MAGED1: variants seen among roughly 807,000 people sequenced by gnomAD.
MAGED1 encodes melanoma-associated antigen D1.
In MAGED1, 3 loss-of-function variants were observed where a neutral mutation model predicts 54.1. That is an observed-to-expected ratio of 0.06 (90% CI 0.03 to 0.14). The LOEUF is 0.14. Among genes scored for constraint, MAGED1 ranks in the 10% least tolerant of loss-of-function variants. MAGED1 has a pLI of 1.00. For synonymous variants in MAGED1, 217 were observed against 227.3 expected, an observed-to-expected ratio of 0.95 and a Z score of 0.41; for missense variants, 485 against 623.4, an observed-to-expected ratio of 0.78 and a Z score of 2.36.
upstream of MAGED1, chrX:51,893,495 C>T (rs1264454128): frequency 8.8e-6 from 1 of 113,914 alleles, no homozygotes; most frequent in African/African-American, 3.2e-5. Context: ...ACATGCGCAT[C>T]ATGGTCTCCA....
intron 3 of MAGED1, chrX:51,896,043 T>A (rs1285839894): frequency 5.2e-6 from 2 of 381,642 alleles, no homozygotes; most frequent in Non-Finnish European, 9.0e-6. Flanking sequence ...ACACAGGTTG[T>A]CTCATTAAAC....
chrX:51,824,928 A>G (rs186811449), intron 1 of MAGED1, among the ~76,000 whole-genome samples: 1 of 104,555 alleles, frequency 9.6e-6, no homozygotes, highest in East Asian at 3.0e-4. Context: ...AGACTGGATG[A>G]TCTGAATTGG....
chrX:51,812,891 A>G (rs191654716), intron 1 of MAGED1, among the ~76,000 whole-genome samples: 1 of 108,060 alleles, frequency 9.3e-6, no homozygotes, highest in South Asian at 4.0e-4. Flanking sequence ...TAAGGTTCCA[A>G]TTTCTCCACA....
At chrX:51,869,022 G>A (rs1927558156) in intron 1 of MAGED1, among the ~76,000 whole-genome samples, 1 of 111,901 alleles carries the variant, frequency 8.9e-6, no homozygotes, top group Non-Finnish European at 1.9e-5. Context: ...AGTGAGGAAT[G>A]GGGAATATAT....
chrX:51,894,226 G>A, intron 1 of MAGED1, 43 bp from the exon 2 acceptor site: 6 of 809,400 alleles, frequency 7.4e-6, no homozygotes, highest in South Asian at 2.2e-5. Flanking sequence ...TAGGTCCTTC[G>A]TATTTGCCCT....
chrX:51,805,335 CA>C (rs1204857514), intron 1 of MAGED1, among the ~76,000 whole-genome samples: 1 of 111,332 alleles, frequency 9.0e-6, no homozygotes, highest in African/African-American at 3.3e-5. Flanking sequence ...TCAGTATTAT[CA>C]TTGTCATTTT....
At chrX:51,897,756 G>A (rs782478406) in intron 6 of MAGED1, 39 bp from the exon 7 acceptor site, 7 of 1,115,155 alleles carry the variant, frequency 6.3e-6, no homozygotes, top group Admixed American at 2.2e-5. Context: ...GCTTATGCTA[G>A]ATGTTGTAAT....
At chrX:51,806,077 G>C (rs1216687606) in intron 1 of MAGED1, among the ~76,000 whole-genome samples, 2 of 95,547 alleles carry the variant, frequency 2.1e-5, no homozygotes, top group Non-Finnish European at 4.0e-5. Flanking sequence ...GGGTTCCAAC[G>C]ACTCTCCTGC....
intron 1 of MAGED1, among the ~76,000 whole-genome samples, chrX:51,884,130 G>A (rs1000574155): frequency 2.7e-5 from 3 of 110,948 alleles, no homozygotes; most frequent in Non-Finnish European, 5.7e-5. Context: ...CCAAATTTGG[G>A]GGTGGGGGAG....
intron 9 of MAGED1, 45 bp downstream of exon 9, chrX:51,898,372 T>G (rs782056812): frequency 3.4e-6 from 4 of 1,185,029 alleles, no homozygotes; most frequent in Non-Finnish European, 2.3e-6. Flanking sequence ...TGCCATCCTT[T>G]GGCAACAGTG....
intron 10 of MAGED1, chrX:51,899,278 G>A (rs1928900047): frequency 9.0e-6 from 1 of 110,774 alleles, no homozygotes; most frequent in South Asian, 3.9e-4. Context: ...TGAGTAGCTG[G>A]GATTACAGGC....
intron 2 of MAGED1, 107 bp from the exon 3 acceptor site, chrX:51,894,946 G>A: frequency 1.1e-6 from 1 of 875,220 alleles, no homozygotes; most frequent in Non-Finnish European, 1.5e-6. Context: ...TGCACCCACC[G>A]CCCGCCTGCA....
chrX:51,876,845 A>T (rs1457799223), intron 1 of MAGED1, among the ~76,000 whole-genome samples: 1 of 111,181 alleles, frequency 9.0e-6, no homozygotes, highest in East Asian at 2.8e-4. Flanking sequence ...GTTCCATTCA[A>T]TAACCTGCTA....
At chrX:51,824,704 C>CTGTGTG (rs149180361) in intron 1 of MAGED1, among the ~76,000 whole-genome samples, 1,287 of 90,357 alleles carry the variant, frequency 0.014, 16 homozygotes, top group East Asian at 0.076. Flanking sequence ...TATATTGTCT[C>CTGTGTG]TGTGTGTGTG....
intron 2 of MAGED1, 196 bp downstream of exon 2, chrX:51,894,545 A>C: frequency 2.2e-6 from 2 of 920,269 alleles, no homozygotes; most frequent in Non-Finnish European, 3.1e-6. Context: ...CTGCTCAGAG[A>C]GAGGGGAGAC....
intron 1 of MAGED1, among the ~76,000 whole-genome samples, chrX:51,848,790 T>TG (rs1175554013): frequency 1.8e-5 from 2 of 112,201 alleles, no homozygotes. Context: ...TTGCAGGGTT[T>TG]GGGGGTTTTT....
intron 1 of MAGED1, among the ~76,000 whole-genome samples, chrX:51,835,617 C>A (rs781974016): frequency 2.7e-5 from 3 of 111,112 alleles, no homozygotes; most frequent in East Asian, 5.6e-4. Flanking sequence ...TTGTGATGAG[C>A]CTTGTAGTTT....
chrX:51,879,849 G>A (rs1406527444), intron 1 of MAGED1, among the ~76,000 whole-genome samples: 1 of 111,776 alleles, frequency 8.9e-6, no homozygotes, highest in Non-Finnish European at 1.9e-5. Context: ...GCCTCACATT[G>A]ATTCTGTGGT....
At chrX:51,870,367 C>T (rs1927623647) in intron 1 of MAGED1, among the ~76,000 whole-genome samples, 1 of 111,742 alleles carries the variant, frequency 8.9e-6, no homozygotes, top group Non-Finnish European at 1.9e-5. Context: ...AAAATTGATG[C>T]GTATGTGATT....
Sources: allele counts gnomAD v4.1 joint callset (sites outside exome capture counted in the v4.1 genomes callset), GRCh38; gene constraint gnomAD v4.1.1; transcripts MANE v1.5; gene names NCBI Gene and HGNC (gene_info 2026-07-23, HGNC 2026-07-21).